PPARG: variants seen among roughly 807,000 people sequenced by gnomAD.
The protein encoded by PPARG is peroxisome proliferator-activated receptor gamma.
Under a neutral mutation model 39.2 loss-of-function variants are expected in PPARG, and 17 were observed. That is an observed-to-expected ratio of 0.43 (90% CI 0.30 to 0.65). PPARG has a LOEUF of 0.65. Among genes scored for constraint, PPARG ranks in the 30% least tolerant of loss-of-function variants. The pLI is 0.13. For synonymous variants in PPARG, 223 were observed against 215.7 expected, an observed-to-expected ratio of 1.03 and a Z score of -0.30; for missense variants, 406 against 585.9, an observed-to-expected ratio of 0.69 and a Z score of 3.17.
chr3:12,342,089 A>G lies in PPARG; in HGVS notation c.-9+29636A>G, dbSNP rs953878615. Reference sequence around the variant, plus strand: ...TACCATGGCTGATGGTCAGTCATATATTTTGCCTTCTGATGTGATGGAATA... The same window carrying G: ...TACCATGGCTGATGGTCAGTCATATGTTTTGCCTTCTGATGTGATGGAATA... On this transcript the variant is annotated intron_variant, in intron 2 of 7. Transcript: ENST00000651735. Among the ~76,000 whole-genome samples, 9 of 152,170 alleles carry G rather than the reference A, an allele frequency of 5.9e-5. No individual in the cohort carries two copies. The East Asian group carries it at 9.6e-4, about 16-fold the overall frequency.
At chr3:12,294,324 A>G (rs1321859032) in intron 1 of PPARG, among the ~76,000 whole-genome samples, 1 of 152,254 alleles carries the variant, frequency 6.6e-6, no homozygotes, top group Non-Finnish European at 1.5e-5. Flanking sequence ...ATTCTGAAAC[A>G]TCAATTAAAC....
intron 7 of PPARG, among the ~76,000 whole-genome samples, chr3:12,432,247 T>A (rs1239027294): frequency 6.6e-6 from 1 of 152,194 alleles, no homozygotes; most frequent in Non-Finnish European, 1.5e-5. Context: ...AGGCAAAGAA[T>A]GGCCCCCAAA....
chr3:12,351,550 A>G (rs758861013), intron 2 of PPARG: 2 of 1,448,346 alleles, frequency 1.4e-6, no homozygotes, highest in South Asian at 1.1e-5. Context: ...GATAGAGACA[A>G]AATATCAGTG....
chr3:12,407,695 C>T (rs987399946), intron 6 of PPARG, among the ~76,000 whole-genome samples: 4 of 152,126 alleles, frequency 2.6e-5, no homozygotes, highest in Admixed American at 2.0e-4. Flanking sequence ...TCTCATTAAC[C>T]TTTCATGTAT....
intron 5 of PPARG, among the ~76,000 whole-genome samples, chr3:12,400,538 A>G (rs1240796008): frequency 2.0e-5 from 3 of 152,242 alleles, no homozygotes; most frequent in Admixed American, 6.5e-5. Context: ...AAGGGAGCCT[A>G]CCAGCTCTGA....
intron 2 of PPARG, among the ~76,000 whole-genome samples, chr3:12,340,937 C>T (rs1400667545): frequency 6.6e-6 from 1 of 152,174 alleles, no homozygotes; most frequent in African/African-American, 2.4e-5. Flanking sequence ...ATAATCCCAG[C>T]ACTTTGGGAG....
rs761238501 is a variant in PPARG at position 12,310,791 on chromosome 3, TAAAAAAAAAAA to T, written c.-82-1566_-82-1556del. Among the ~76,000 whole-genome samples, 10 of 50,332 alleles carry T rather than the reference TAAAAAAAAAAA, an allele frequency of 2.0e-4. No individual in the cohort carries two copies. The South Asian group carries it at 3.7e-3, about 19-fold the overall frequency. The allele number at this position is 50,332 out of a possible 152,430, so 33.0% of individuals were successfully genotyped here. A position where few individuals can be genotyped will look rare whatever the true frequency, so the allele number is the denominator to read the frequency against. On this transcript the variant is annotated intron_variant, in intron 1 of 7. Transcript: ENST00000651735. The stretch of plus-strand genomic sequence containing the variant: ...CCCTTTTTAATAGTTGCCTTAAATG[TAAAAAAAAAAA>T]AAAAAAAAAAAAAAAAAAAAAACCC...
At chr3:12,416,666 T>C (rs1354489881) in intron 6 of PPARG, 38 bp from the exon 7 acceptor site, 1 of 1,581,230 alleles carries the variant, frequency 6.3e-7, no homozygotes, top group Admixed American at 1.7e-5. Context: ...GAGTTAGAAA[T>C]CTCCAAGTCA....
chr3:12,364,030 TA>T (rs34047730), intron 2 of PPARG, among the ~76,000 whole-genome samples: 108,645 of 151,408 alleles, frequency 0.72, 39,430 homozygotes, highest in East Asian at 0.87. Context: ...GTACACTTGT[TA>T]ACAGTCAATA....
intron 7 of PPARG, among the ~76,000 whole-genome samples, chr3:12,420,813 G>A (rs1472971847): frequency 6.6e-6 from 1 of 152,206 alleles, no homozygotes; most frequent in African/African-American, 2.4e-5. Context: ...ACTTAGATTT[G>A]CCTGGGCTTA....
chr3:12,388,552 G>A (rs1055681561), intron 4 of PPARG, among the ~76,000 whole-genome samples: 4 of 152,142 alleles, frequency 2.6e-5, no homozygotes, highest in African/African-American at 4.8e-5. Flanking sequence ...TAACACCCCT[G>A]GCTACTGAAT....
At chr3:12,426,094 G>A (rs181626113) in intron 7 of PPARG, among the ~76,000 whole-genome samples, 19 of 152,246 alleles carry the variant, frequency 1.2e-4, no homozygotes, top group Admixed American at 9.8e-4. Flanking sequence ...AGATGTAATC[G>A]CTATTTAATG....
In PPARG at chr3:12,291,698, A is replaced by T. The variant is rs556912882; in HGVS notation, c.-83+2564A>T. The stretch of plus-strand genomic sequence containing the variant: ...GTCATCAATAATAGTATATGTTTAA[A>T]TTATTTTGTAAAAACAGATTTACAT... On this transcript the variant is annotated intron_variant, in intron 1 of 7. Transcript: ENST00000651735. 4.6e-4 allele frequency among the ~76,000 whole-genome samples: 70 copies of T among 152,294 alleles called. 1 individual carries two copies. The highest frequency in any genetic ancestry group is 8.4e-4 in the Non-Finnish European group (57 of 68,004).
intron 2 of PPARG, among the ~76,000 whole-genome samples, chr3:12,376,728 C>T (rs555433892): frequency 1.3e-5 from 2 of 152,320 alleles, no homozygotes; most frequent in East Asian, 3.9e-4. Context: ...TTGCTTCCCT[C>T]CTTCCCTGCC....
chr3:12,390,785 C>T lies in PPARG; in HGVS notation c.391-1829C>T, dbSNP rs997413600. Among the ~76,000 whole-genome samples, 5 of 151,730 alleles carry T rather than the reference C, an allele frequency of 3.3e-5. No homozygotes were observed. The East Asian group carries it at 9.7e-4, about 29-fold the overall frequency. ...TCAGCCGCCAGAGTAGTAGCTGTGA[C>T]TACAGGCGCATGCCACCACACCTGC... On this transcript the variant is annotated intron_variant, in intron 4 of 7. Transcript: ENST00000651735.
chr3:12,382,402 A>C (rs1200253092), intron 4 of PPARG, among the ~76,000 whole-genome samples: 1 of 152,212 alleles, frequency 6.6e-6, no homozygotes, highest in Non-Finnish European at 1.5e-5. Context: ...CAATGCAAAA[A>C]TAGTACTAAT....
At chr3:12,427,593 G>A (rs1413184620) in intron 7 of PPARG, among the ~76,000 whole-genome samples, 1 of 152,120 alleles carries the variant, frequency 6.6e-6, no homozygotes, top group Non-Finnish European at 1.5e-5. Flanking sequence ...TGAAAGAAAT[G>A]TCATTGTCTT....
chr3:12,339,960 A>G (rs2048131925), intron 2 of PPARG, among the ~76,000 whole-genome samples: 1 of 152,188 alleles, frequency 6.6e-6, no homozygotes. Flanking sequence ...ACAGTTCTCA[A>G]AGTGTTGATC....
In PPARG at chr3:12,379,748, T is replaced by A; in HGVS notation, c.37T>A (p.Phe13Ile). The A allele has an allele frequency of 5.6e-6, 9 of 1,614,026 alleles. No homozygotes were observed. Among genetic ancestry groups the A allele is most frequent in the Non-Finnish European group, 7.6e-6 (9 of 1,179,942 alleles). The change falls in exon 3 of 8, where the codon TTT (phenylalanine) becomes ATT (isoleucine). Residue 13 changes from phenylalanine to isoleucine, a missense_variant. Physicochemically the swap from Phe to Ile is conservative, Grantham distance 21. Around this residue, in one of 2 missense-constraint regions of PPARG, gnomAD observed 131 missense variants for 127.9 expected, o/e 1.02. Coordinates refer to ENST00000651735, the MANE Select transcript of PPARG (RefSeq NM_138711.6). ...DTEMPFWPTN[F>I]GISSVDLSVM... is the part of the protein sequence containing the mutation. Reference sequence around the variant, plus strand: ...AGAGATGCCATTCTGGCCCACCAACTTTGGGATCAGCTCCGTGGATCTCTC... The same window carrying A: ...AGAGATGCCATTCTGGCCCACCAACATTGGGATCAGCTCCGTGGATCTCTC...
Sources: gnomAD v4.1 joint callset for allele counts (sites outside exome capture counted in the v4.1 genomes callset) on GRCh38, gnomAD v4.1.1 for gene constraint, gnomAD v4.1.1 regional missense constraint, MANE v1.5 for transcripts, NCBI Gene and HGNC (gene_info 2026-07-23, HGNC 2026-07-21) for gene names.